MAP1LC3B: variants seen among roughly 807,000 people sequenced by gnomAD.
MAP1LC3B encodes microtubule-associated protein 1 light chain 3 beta.
A neutral mutation model predicts 16.7 loss-of-function variants in MAP1LC3B; 12 were observed. That is an observed-to-expected ratio of 0.72 (90% CI 0.46 to 1.16). The LOEUF is 1.16. Among genes scored for constraint, MAP1LC3B ranks in the 50% most tolerant of loss-of-function variants. The probability of loss-of-function intolerance (pLI) is 0.00; values close to 1 mark genes in which losing one functional copy is unlikely to be tolerated. For synonymous variants in MAP1LC3B, 63 were observed against 56.5 expected (o/e 1.11, Z -0.51); for missense variants, 155 against 159.5 (o/e 0.97, Z 0.15).
chr16:87,398,993 C>A, intron 2 of MAP1LC3B, 123 bp downstream of exon 2: 2 of 806,838 alleles, frequency 2.5e-6, no homozygotes, highest in Non-Finnish European at 4.3e-6. Flanking sequence ...GTGTCAGTTT[C>A]ACAACCTAGA....
intron 1 of MAP1LC3B, among the ~76,000 whole-genome samples, chr16:87,393,516 A>G (rs976758129): frequency 2.6e-5 from 4 of 152,208 alleles, no homozygotes; most frequent in South Asian, 2.1e-4. Context: ...TGCAGGTCTC[A>G]TTGACCATTA....
chr16:87,403,019 G>A lies in MAP1LC3B; in HGVS notation c.300G>A (p.Glu100=). 1 of 1,614,156 alleles carries A rather than the reference G, an allele frequency of 6.2e-7. No individual in the cohort carries two copies. Among genetic ancestry groups the A allele is most frequent in the Non-Finnish European group, 8.5e-7 (1 of 1,180,008 alleles). ...CCACACCAATCTCAGAGGTGTATGA[G>A]AGTGAGAAAGATGAAGATGGATTCC... ...SVSTPISEVY[E]SEKDEDGFLY... Residue 100 remains glutamate, a synonymous_variant, in exon 4 of 4, where the codon GAG becomes GAA. Transcript: ENST00000268607.
intron 1 of MAP1LC3B, chr16:87,396,867 G>C (rs1161376430): frequency 1.3e-5 from 2 of 152,074 alleles, no homozygotes; most frequent in Non-Finnish European, 2.9e-5. Flanking sequence ...TTGCTCTGTC[G>C]CCCAGACTAG....
At position 87,392,375 on chromosome 16, in the gene MAP1LC3B, AGCC is replaced by A. The variant is rs1356537878; in HGVS notation, c.-48_-46del. On this transcript the variant is annotated 5_prime_UTR_variant, in exon 1 of 4. Coordinates refer to ENST00000268607, the MANE Select transcript of MAP1LC3B (RefSeq NM_022818.5). ...CGCCGCAGCAGCCGCCGCCCCCGGGAGCCGCCGGGACCCTCGCGTCGTCGCCGC... is the reference window on the plus strand; with the variant it reads ...CGCCGCAGCAGCCGCCGCCCCCGGGAGCCGGGACCCTCGCGTCGTCGCCGC... The A allele has an allele frequency of 7.2e-7, 1 of 1,384,424 alleles. No homozygotes were observed. The highest frequency in any genetic ancestry group is 9.3e-7 in the Non-Finnish European group (1 of 1,077,046). The allele number at this position is 1,384,424 out of a possible 1,614,324, so 85.8% of individuals were successfully genotyped here.
rs1481877305 is a variant in MAP1LC3B at position 87,403,243 on chromosome 16, T to C, written c.*146T>C. Reference sequence around the variant, plus strand: ...CACCTAGGAGTGTTAGGAAGTTGTGTTTGTGTTTCAAGCAGAAAAACTGAG... The same window carrying C: ...CACCTAGGAGTGTTAGGAAGTTGTGCTTGTGTTTCAAGCAGAAAAACTGAG... On this transcript the variant is annotated 3_prime_UTR_variant, in exon 4 of 4. Coordinates refer to ENST00000268607, the MANE Select transcript of MAP1LC3B (RefSeq NM_022818.5). 3.2e-6 allele frequency: 3 copies of C among 941,918 alleles called. No individual in the cohort carries two copies. Among genetic ancestry groups the C allele is most frequent in the Non-Finnish European group, 4.6e-6 (3 of 655,436 alleles). The allele number at this position is 941,918 out of a possible 1,614,324, so 58.3% of individuals were successfully genotyped here.
In MAP1LC3B at chr16:87,399,834, C is replaced by T. The variant is rs371230171; in HGVS notation, c.96+964C>T. The T allele has an allele frequency of 1.5e-3, 410 of 272,938 alleles. 10 individuals are homozygous for T. Among genetic ancestry groups the T allele is most frequent in the South Asian group, 0.013 (380 of 29,940 alleles). The allele number at this position is 272,938 out of a possible 1,614,324, so 16.9% of individuals were successfully genotyped here. On this transcript the variant is annotated intron_variant, in intron 2 of 3. Coordinates refer to ENST00000268607, the MANE Select transcript of MAP1LC3B (RefSeq NM_022818.5). The stretch of plus-strand genomic sequence containing the variant: ...TGTCGCCCAGGCTGGAGTGTAGTGG[C>T]GCGATCTCGGCTCACTGCAACCTCC...
chr16:87,396,302 C>T (rs867270941), intron 1 of MAP1LC3B, among the ~76,000 whole-genome samples: 4 of 151,574 alleles, frequency 2.6e-5, no homozygotes, highest in Admixed American at 1.3e-4. Context: ...GATGAAACCC[C>T]GTCTTTACTA....
chr16:87,402,045 C>T (rs1908012011), intron 2 of MAP1LC3B, 130 bp from the exon 3 acceptor site: 1 of 724,658 alleles, frequency 1.4e-6, no homozygotes, highest in South Asian at 1.9e-5. Flanking sequence ...CCATGTTAGC[C>T]AGGGTGGTCT....
At chr16:87,397,894 G>T (rs1907861065) in intron 1 of MAP1LC3B, among the ~76,000 whole-genome samples, 1 of 149,814 alleles carries the variant, frequency 6.7e-6, no homozygotes, top group African/African-American at 2.5e-5. Flanking sequence ...CTTTGTAAAT[G>T]ACTTCTCTCT....
chr16:87,400,674 C>G (rs1907960164), intron 2 of MAP1LC3B, among the ~76,000 whole-genome samples: 1 of 150,864 alleles, frequency 6.6e-6, no homozygotes, highest in African/African-American at 2.4e-5. Flanking sequence ...TAATTAGGAA[C>G]TTACACATTT....
intron 1 of MAP1LC3B, among the ~76,000 whole-genome samples, chr16:87,396,227 A>G (rs1236359148): frequency 2.6e-5 from 4 of 151,362 alleles, no homozygotes; most frequent in Non-Finnish European, 5.9e-5. Context: ...TGTAATCCCA[A>G]CATTTTGGTA....
chr16:87,401,894 G>T (rs577157302), intron 2 of MAP1LC3B, among the ~76,000 whole-genome samples: 1 of 151,558 alleles, frequency 6.6e-6, no homozygotes, highest in Non-Finnish European at 1.5e-5. Flanking sequence ...GTGCGGTGGC[G>T]CGATCTCGGC....
chr16:87,393,326 G>C (rs948701240), intron 1 of MAP1LC3B: 2 of 152,210 alleles, frequency 1.3e-5, no homozygotes, highest in African/African-American at 4.8e-5. Context: ...CCAGGTATCT[G>C]TTGTTGCCTA....
chr16:87,395,574 C>A (rs1411435739), intron 1 of MAP1LC3B, among the ~76,000 whole-genome samples: 1 of 152,196 alleles, frequency 6.6e-6, no homozygotes, highest in Non-Finnish European at 1.5e-5. Flanking sequence ...GAGAGTGGAG[C>A]ATCCGTGTGT....
In MAP1LC3B at chr16:87,392,367, CCCCCGGGAGCCGCCGG is replaced by C. The variant is rs1272609792; in HGVS notation, c.-60_-45del. The C allele has an allele frequency of 6.7e-5, 91 of 1,364,244 alleles. No homozygotes were observed. The highest frequency in any genetic ancestry group is 8.4e-5 in the Non-Finnish European group (89 of 1,063,126). The allele number at this position is 1,364,244 out of a possible 1,614,324, so 84.5% of individuals were successfully genotyped here. On this transcript the variant is annotated 5_prime_UTR_variant, in exon 1 of 4. Coordinates refer to ENST00000268607, the MANE Select transcript of MAP1LC3B (RefSeq NM_022818.5). ...GGATTCGCCGCCGCAGCAGCCGCCG[CCCCCGGGAGCCGCCGG>C]GACCCTCGCGTCGTCGCCGCCGCCG...
intron 2 of MAP1LC3B, chr16:87,399,707 T>TAA: frequency 1.3e-5 from 5 of 379,704 alleles, no homozygotes; most frequent in Non-Finnish European, 2.6e-5. Flanking sequence ...AGCTTAAAAC[T>TAA]AAAAAAAAAC....
At chr16:87,393,523 A>G (rs970099835) in intron 1 of MAP1LC3B, among the ~76,000 whole-genome samples, 1 of 152,158 alleles carries the variant, frequency 6.6e-6, no homozygotes, top group Non-Finnish European at 1.5e-5. Context: ...CTCATTGACC[A>G]TTATTTTTTT....
intron 1 of MAP1LC3B, among the ~76,000 whole-genome samples, chr16:87,397,498 G>T (rs1471897837): frequency 6.6e-6 from 1 of 152,094 alleles, no homozygotes; most frequent in Non-Finnish European, 1.5e-5. Context: ...GGTGCCTGTA[G>T]TCCCAGCTAC....
chr16:87,401,948 T>C (rs1908008083), intron 2 of MAP1LC3B, among the ~76,000 whole-genome samples: 1 of 152,122 alleles, frequency 6.6e-6, no homozygotes, highest in African/African-American at 2.4e-5. Context: ...TTCTCCTGCC[T>C]CAGCCTCCTG....
Sources: allele counts gnomAD v4.1 joint callset (sites outside exome capture counted in the v4.1 genomes callset), GRCh38; gene constraint gnomAD v4.1.1; transcripts MANE v1.5; gene names NCBI Gene and HGNC (gene_info 2026-07-23, HGNC 2026-07-21).